The following DIP2B variants were observed in gnomAD, a reference collection of about 807,000 sequenced individuals.
The protein encoded by DIP2B is disco-interacting protein 2 homolog B.
In DIP2B, 76 loss-of-function variants were observed where a neutral mutation model predicts 198.0. That is an observed-to-expected ratio of 0.38 (90% CI 0.32 to 0.46). The LOEUF (loss-of-function observed/expected upper bound fraction) is 0.46. DIP2B is among the 20% of genes least tolerant of loss of function. The pLI is 0.99. For synonymous variants in DIP2B, 701 were observed against 739.1 expected, an observed-to-expected ratio of 0.95 and a Z score of 0.84; for missense variants, 1,559 against 1,978.4, an observed-to-expected ratio of 0.79 and a Z score of 4.02.
rs772742594 is a variant in DIP2B, at chr12:50,671,320, G to T, written c.562G>T (p.Ala188Ser). ...TCAGGGATCGTCCACTTCTTCATCC[G>T]CATCTTCTACGCTGTCCCACGGAGA... The part of the protein sequence containing the change: ...SIQGSSTSSS[A>S]SSTLSHGEVK... Residue 188 changes from alanine to serine, a missense_variant, in exon 5 of 38, where the codon GCA (alanine) becomes TCA (serine). By Grantham distance (99) the Ala-to-Ser change is moderately conservative. Transcript: ENST00000301180. 1.1e-5 allele frequency: 17 copies of T among 1,613,976 alleles called. No individual in the cohort carries two copies. Among genetic ancestry groups the T allele is most frequent in the Non-Finnish European group, 1.4e-5 (16 of 1,180,026 alleles).
intron 23 of DIP2B, among the ~76,000 whole-genome samples, chr12:50,716,923 A>G (rs1309493710): frequency 7.3e-6 from 1 of 136,816 alleles, no homozygotes; most frequent in Non-Finnish European, 1.5e-5. Flanking sequence ...AGTGAGGAAC[A>G]CCCATGTAGC....
chr12:50,645,440 T>C (rs188706827), intron 3 of DIP2B, among the ~76,000 whole-genome samples: 5 of 151,172 alleles, frequency 3.3e-5, no homozygotes, highest in East Asian at 1.9e-4. Flanking sequence ...TGTGCAAATA[T>C]GGAAGGATGT....
intron 1 of DIP2B, among the ~76,000 whole-genome samples, chr12:50,531,581 C>A (rs1593584486): frequency 6.6e-6 from 1 of 152,082 alleles, no homozygotes; most frequent in East Asian, 1.9e-4. Flanking sequence ...GTGACCTTTG[C>A]CTAAGCTGTT....
intron 1 of DIP2B, among the ~76,000 whole-genome samples, chr12:50,600,392 G>A (rs12307085): frequency 0.04 from 6,088 of 152,120 alleles, 407 homozygotes; most frequent in African/African-American, 0.14. Flanking sequence ...TTGTTGTAGC[G>A]TGCATAAATG....
chr12:50,587,984 T>C lies in DIP2B; in HGVS notation c.101-37992T>C, dbSNP rs77725406. On this transcript the variant is annotated intron_variant, in intron 1 of 37. Transcript: ENST00000301180. ...GAGATAATTTGCTTTTATAAAAATA[T>C]ATAGGCTTAGGATTTGTTTTGGTAT... is the stretch of plus-strand genomic sequence containing the variant. 7.9e-3 allele frequency among the ~76,000 whole-genome samples: 1,202 copies of C among 152,298 alleles called. 14 individuals carry two copies. Among genetic ancestry groups the C allele is most frequent in the Middle Eastern group, 0.048 (14 of 294 alleles).
chr12:50,724,635 A>C, intron 27 of DIP2B, 140 bp from the exon 28 acceptor site: 1 of 651,786 alleles, frequency 1.5e-6, no homozygotes, highest in South Asian at 1.8e-5. Flanking sequence ...AGTAACACTG[A>C]CCTCGTCTGT....
At chr12:50,707,070 CT>C (rs1367935462) in intron 21 of DIP2B, among the ~76,000 whole-genome samples, 1 of 152,144 alleles carries the variant, frequency 6.6e-6, no homozygotes, top group African/African-American at 2.4e-5. Context: ...TCTCTTGTTT[CT>C]AATTAAATTA....
At chr12:50,672,865 G>T (rs1344128589) in intron 5 of DIP2B, among the ~76,000 whole-genome samples, 1 of 152,106 alleles carries the variant, frequency 6.6e-6, no homozygotes, top group African/African-American at 2.4e-5. Flanking sequence ...TTAATAACCT[G>T]CTTTTCTTAG....
intron 1 of DIP2B, among the ~76,000 whole-genome samples, chr12:50,547,913 A>G (rs1345635090): frequency 3.3e-5 from 5 of 152,102 alleles, no homozygotes; most frequent in African/African-American, 4.8e-5. Context: ...TACAAAAAAT[A>G]CAAAAATTAG....
At chr12:50,550,969 C>T (rs1165432439) in intron 1 of DIP2B, among the ~76,000 whole-genome samples, 2 of 151,646 alleles carry the variant, frequency 1.3e-5, no homozygotes, top group African/African-American at 4.8e-5. Flanking sequence ...GCCTGTAGTA[C>T]CCCCAGCTAT....
intron 1 of DIP2B, among the ~76,000 whole-genome samples, chr12:50,523,397 A>G (rs908082591): frequency 1.1e-4 from 16 of 152,022 alleles, no homozygotes; most frequent in Non-Finnish European, 2.2e-4. Context: ...TCCTCCACCT[A>G]TTTTCACTTA....
chr12:50,650,375 C>T (rs1220191908), intron 3 of DIP2B, among the ~76,000 whole-genome samples: 1 of 152,102 alleles, frequency 6.6e-6, no homozygotes, highest in East Asian at 1.9e-4. Flanking sequence ...TATACGTTAC[C>T]GTATTGGTAA....
At chr12:50,519,391 A>G (rs1159736070) in intron 1 of DIP2B, among the ~76,000 whole-genome samples, 2 of 152,198 alleles carry the variant, frequency 1.3e-5, no homozygotes. Flanking sequence ...ATGAGCCACT[A>G]TGCTGAGCCT....
chr12:50,568,286 A>T lies in DIP2B; in HGVS notation c.101-57690A>T, dbSNP rs534833196. On this transcript the variant is annotated intron_variant, in intron 1 of 37. Coordinates refer to ENST00000301180, the MANE Select transcript of DIP2B (RefSeq NM_173602.3). The stretch of plus-strand genomic sequence containing the variant: ...TGTTTGTTATTATGTAGAATTGGGG[A>T]TCCCCTTTTCCAGCTTTCTCCTGTT... Among the ~76,000 whole-genome samples, 141 of 152,050 alleles carry T rather than the reference A, an allele frequency of 9.3e-4. 2 individuals are homozygous for T. Among genetic ancestry groups the T allele is most frequent in the African/African-American group, 3.4e-3 (140 of 41,462 alleles).
In DIP2B at chr12:50,736,277, C is replaced by T. The variant is rs533813420; in HGVS notation, c.4102-759C>T. Among the ~76,000 whole-genome samples the T allele has an allele frequency of 3.9e-5, 6 of 152,330 alleles. No homozygotes were observed. The East Asian group carries it at 5.8e-4, about 15-fold the overall frequency. On this transcript the variant is annotated intron_variant, in intron 34 of 37. Transcript: ENST00000301180. ...TGCCTCAGCAGCCAAGCACACCTCACGAGCATTAGCCTGTGCCCACCCTGG... is the reference window on the plus strand; with the variant it reads ...TGCCTCAGCAGCCAAGCACACCTCATGAGCATTAGCCTGTGCCCACCCTGG...
chr12:50,723,291 G>A lies in DIP2B; in HGVS notation c.3256G>A (p.Ala1086Thr). Residue 1086 changes from alanine (A) to threonine (T), a missense_variant, in exon 27 of 38, where the codon GCC becomes ACC. Ala to Thr is a moderately conservative substitution (Grantham distance 58). Transcript: ENST00000301180. Reference protein sequence around the residue: ...VRPPHAQNLTATLPTVRMIVD... With the variant: ...VRPPHAQNLTTTLPTVRMIVD... Reference sequence around the variant, plus strand: ...ACCTCCACATGCTCAGAACCTCACGGCCACGCTGCCCACTGTCCGAATGAT... The same window carrying A: ...ACCTCCACATGCTCAGAACCTCACGACCACGCTGCCCACTGTCCGAATGAT... The A allele has an allele frequency of 6.2e-7, 1 of 1,614,128 alleles. No individual in the cohort carries two copies. The highest frequency in any genetic ancestry group is 8.5e-7 in the Non-Finnish European group (1 of 1,180,024).
intron 1 of DIP2B, among the ~76,000 whole-genome samples, chr12:50,568,218 A>C (rs567466780): frequency 6.6e-6 from 1 of 152,186 alleles, no homozygotes; most frequent in African/African-American, 2.4e-5. Flanking sequence ...CCTTCTTTGG[A>C]ACTACTGTAC....
At chr12:50,556,064 T>C (rs1049336757) in intron 1 of DIP2B, among the ~76,000 whole-genome samples, 4 of 152,174 alleles carry the variant, frequency 2.6e-5, no homozygotes, top group Non-Finnish European at 4.4e-5. Flanking sequence ...ATTGTTTTTT[T>C]TCCCCCCAAG....
At chr12:50,694,421 G>A (rs1939270305) in intron 14 of DIP2B, among the ~76,000 whole-genome samples, 1 of 152,018 alleles carries the variant, frequency 6.6e-6, no homozygotes, top group Admixed American at 6.6e-5. Flanking sequence ...TTTGAACCCA[G>A]GAGGCAGAGG....
Sources: gnomAD v4.1 joint callset for allele counts (sites outside exome capture counted in the v4.1 genomes callset) on GRCh38, gnomAD v4.1.1 for gene constraint, MANE v1.5 for transcripts, NCBI Gene and HGNC (gene_info 2026-07-23, HGNC 2026-07-21) for gene names.